SLC9C2: variants seen among roughly 807,000 people sequenced by gnomAD.
The protein encoded by SLC9C2 is sodium/hydrogen exchanger 11.
A neutral mutation model predicts 140.2 loss-of-function variants in SLC9C2; 75 were observed. That is an observed-to-expected ratio of 0.53 (90% CI 0.44 to 0.65). The LOEUF (loss-of-function observed/expected upper bound fraction) is 0.65, where lower values mean the gene tolerates loss of function less well. Ranked by LOEUF, SLC9C2 falls within the 30% of genes least tolerant of loss-of-function variation. SLC9C2 has a pLI of 0.00. For synonymous variants in SLC9C2, 375 were observed against 420.9 expected, an observed-to-expected ratio of 0.89 and a Z score of 1.34; for missense variants, 1,074 against 1,331.8, an observed-to-expected ratio of 0.81 and a Z score of 3.01.
chr1:173,580,047 C>T (rs967490025), intron 7 of SLC9C2, among the ~76,000 whole-genome samples: 14 of 152,114 alleles, frequency 9.2e-5, no homozygotes, highest in South Asian at 2.1e-4. Context: ...TGTTTAAAGC[C>T]GGCTCTTTTC....
intron 18 of SLC9C2, among the ~76,000 whole-genome samples, chr1:173,529,383 C>T (rs1464591171): frequency 6.6e-6 from 1 of 151,926 alleles, no homozygotes; most frequent in Non-Finnish European, 1.5e-5. Context: ...GGATTCACTC[C>T]ACCTCTAGGC....
At chr1:173,591,777 T>C (rs1323686720) in intron 4 of SLC9C2, among the ~76,000 whole-genome samples, 1 of 152,238 alleles carries the variant, frequency 6.6e-6, no homozygotes, top group Non-Finnish European at 1.5e-5. Context: ...TAGACCTTTG[T>C]CACATGCATA....
Position 173,601,940 on chromosome 1 carries a change from A to G in SLC9C2, c.-79-85T>C, listed in dbSNP as rs954051964. 9.9e-6 allele frequency: 8 copies of G among 811,610 alleles called. No individual in the cohort carries two copies. The East Asian group carries it at 2.1e-4, about 21-fold the overall frequency. 50.3% of individuals were successfully genotyped at this position (811,610 alleles called of 1,614,324 possible). On this transcript the variant is annotated intron_variant, in intron 1 of 27. Transcript: ENST00000367714. ...CTACCTAAGATTGTGCCACACTCAG[A>G]TCTGAACATGTCTCTTCTTGTCACA...
intron 13 of SLC9C2, among the ~76,000 whole-genome samples, chr1:173,544,933 C>A (rs1215649006): frequency 1.3e-5 from 2 of 152,108 alleles, no homozygotes; most frequent in African/African-American, 4.8e-5. Flanking sequence ...GTGCAGCAAA[C>A]CAACATGGCA....
intron 13 of SLC9C2, among the ~76,000 whole-genome samples, chr1:173,543,456 T>C (rs1381508534): frequency 6.6e-6 from 1 of 152,160 alleles, no homozygotes; most frequent in African/African-American, 2.4e-5. Flanking sequence ...TTCATTGCCA[T>C]CCCCACCAAG....
chr1:173,554,032 G>A (rs985919841), intron 11 of SLC9C2, among the ~76,000 whole-genome samples: 1 of 152,090 alleles, frequency 6.6e-6, no homozygotes, highest in South Asian at 2.1e-4. Flanking sequence ...GTGTCTATTT[G>A]TTATTTTATT....
chr1:173,551,913 G>A (rs1391463208), intron 11 of SLC9C2, among the ~76,000 whole-genome samples: 4 of 152,124 alleles, frequency 2.6e-5, no homozygotes, highest in East Asian at 1.9e-4. Context: ...GTTGAAAGCC[G>A]AGATAAGCCA....
intron 8 of SLC9C2, 84 bp from the exon 9 acceptor site, chr1:173,573,409 T>C (rs1664964587): frequency 9.9e-7 from 1 of 1,013,160 alleles, no homozygotes; most frequent in Non-Finnish European, 1.4e-6. Flanking sequence ...ATATATCTTA[T>C]ATCTACCATG....
Position 173,501,014 on chromosome 1 carries a change from G to A in SLC9C2, c.*80C>T, listed in dbSNP as rs1659227524. 20 of 1,388,400 alleles carry A rather than the reference G, an allele frequency of 1.4e-5. No homozygotes were observed. The highest frequency in any genetic ancestry group is 7.6e-6 in the Non-Finnish European group (8 of 1,059,586). 86.0% of individuals were successfully genotyped at this position (1,388,400 alleles called of 1,614,324 possible). ...GATAATCCTTTAGTATTTGAGCGAG[G>A]AAAGTAGTTTGGTCTTTAACCTGAC... On this transcript the variant is annotated 3_prime_UTR_variant, in exon 28 of 28. Transcript: ENST00000367714.
At chr1:173,578,418 G>A (rs890596447) in intron 7 of SLC9C2, among the ~76,000 whole-genome samples, 1 of 152,192 alleles carries the variant, frequency 6.6e-6, no homozygotes, top group Non-Finnish European at 1.5e-5. Context: ...TCCGGCTATG[G>A]AACATCTCCT....
intron 19 of SLC9C2, among the ~76,000 whole-genome samples, 188 bp from the exon 20 acceptor site, chr1:173,525,115 A>C (rs978851319): frequency 2.0e-5 from 3 of 152,164 alleles, no homozygotes; most frequent in Admixed American, 1.3e-4. Context: ...GAAAATTGGA[A>C]ACTGGCTTCC....
intron 9 of SLC9C2, among the ~76,000 whole-genome samples, chr1:173,569,571 G>C (rs1273334266): frequency 6.6e-6 from 1 of 151,892 alleles, no homozygotes; most frequent in Non-Finnish European, 1.5e-5. Flanking sequence ...GCCTCTTTAA[G>C]GCCAATAACA....
At chr1:173,550,444 A>ATTT (rs1382249001) in intron 11 of SLC9C2, among the ~76,000 whole-genome samples, 7,759 of 129,080 alleles carry the variant, frequency 0.06, 288 homozygotes, top group African/African-American at 0.098. Flanking sequence ...TTATTTATTT[A>ATTT]TTTATTTATT....
intron 26 of SLC9C2, among the ~76,000 whole-genome samples, chr1:173,504,032 G>A (rs1257121528): frequency 1.3e-5 from 2 of 152,218 alleles, no homozygotes; most frequent in African/African-American, 4.8e-5. Context: ...CCCCAAGGGG[G>A]CTGACGCTAG....
At chr1:173,523,495 A>T (rs1660972637) in intron 21 of SLC9C2, among the ~76,000 whole-genome samples, 1 of 152,250 alleles carries the variant, frequency 6.6e-6, no homozygotes, top group Non-Finnish European at 1.5e-5. Flanking sequence ...TATTCAATAG[A>T]TATTTGTTGA....
intron 5 of SLC9C2, among the ~76,000 whole-genome samples, chr1:173,586,761 C>A (rs897461050): frequency 6.6e-6 from 1 of 152,138 alleles, no homozygotes; most frequent in Non-Finnish European, 1.5e-5. Context: ...CCATCATTCT[C>A]AGCAAACTAA....
chr1:173,552,001 T>A (rs1663348039), intron 11 of SLC9C2, among the ~76,000 whole-genome samples: 1 of 152,158 alleles, frequency 6.6e-6, no homozygotes, highest in South Asian at 2.1e-4. Flanking sequence ...AAAGTGCTAC[T>A]CCAGTGAACA....
At chr1:173,506,727 G>T (rs1659666789) in intron 25 of SLC9C2, 129 bp downstream of exon 25, 1 of 746,262 alleles carries the variant, frequency 1.3e-6, no homozygotes, top group Non-Finnish European at 2.1e-6. Context: ...TTTACTGTTT[G>T]TAAAAGGCAA....
chr1:173,540,431 T>C (rs1662300474), intron 13 of SLC9C2, among the ~76,000 whole-genome samples: 1 of 152,160 alleles, frequency 6.6e-6, no homozygotes, highest in Admixed American at 6.5e-5. Context: ...GAAAAATCAG[T>C]ATCAATTGTG....
Sources: gnomAD v4.1 joint callset for allele counts (sites outside exome capture counted in the v4.1 genomes callset) on GRCh38, gnomAD v4.1.1 for gene constraint, MANE v1.5 for transcripts, NCBI Gene and HGNC (gene_info 2026-07-23, HGNC 2026-07-21) for gene names.